The following DACH1 variants were observed in gnomAD, a reference collection of about 807,000 sequenced individuals.
DACH1 encodes the protein dachshund family transcription factor 1.
In DACH1, 12 loss-of-function variants were observed where a neutral mutation model predicts 54.2. That is an observed-to-expected ratio of 0.22 (90% CI 0.14 to 0.36). The LOEUF is 0.36. Among genes scored for constraint, DACH1 ranks in the 10% least tolerant of loss-of-function variants. The probability of loss-of-function intolerance (pLI) is 1.00; values close to 1 mark genes in which losing one functional copy is unlikely to be tolerated. For synonymous variants in DACH1, 386 were observed against 366.2 expected (o/e 1.05, Z -0.62); for missense variants, 805 against 929.8 (o/e 0.87, Z 1.75).
chr13:71,863,645 A>T (rs1237373764), intron 1 of DACH1, among the ~76,000 whole-genome samples: 1 of 152,144 alleles, frequency 6.6e-6, no homozygotes, highest in Non-Finnish European at 1.5e-5. Flanking sequence ...TTTAGTTAAA[A>T]GTTAAAGAAT....
At chr13:71,847,519 T>C (rs915621030) in intron 1 of DACH1, among the ~76,000 whole-genome samples, 4 of 152,210 alleles carry the variant, frequency 2.6e-5, no homozygotes, top group Non-Finnish European at 5.9e-5. Flanking sequence ...TTATAAAGTC[T>C]ATTTATGACT....
intron 1 of DACH1, among the ~76,000 whole-genome samples, chr13:71,701,814 T>C (rs991151518): frequency 6.6e-6 from 1 of 152,038 alleles, no homozygotes; most frequent in African/African-American, 2.4e-5. Flanking sequence ...GGTGTGAAGG[T>C]TTGTTCAATT....
chr13:71,865,325 C>G (rs1163856100), intron 1 of DACH1, among the ~76,000 whole-genome samples: 3 of 152,148 alleles, frequency 2.0e-5, no homozygotes, highest in Non-Finnish European at 4.4e-5. Context: ...CATTTCCCTC[C>G]CGACCTCAAA....
intron 1 of DACH1, among the ~76,000 whole-genome samples, chr13:71,710,771 A>ATGCTGCCAAATCGAGAGT (rs1882686832): frequency 6.6e-6 from 1 of 152,164 alleles, no homozygotes; most frequent in Admixed American, 6.5e-5. Context: ...CTTACATAAA[A>ATGCTGCCAAATCGAGAGT]TAGCAGAAGA....
In DACH1 at chr13:71,779,088, C is replaced by A. The variant is rs952115721; in HGVS notation, c.848+86834G>T. 2.0e-5 allele frequency among the ~76,000 whole-genome samples: 3 copies of A among 147,854 alleles called. No homozygotes were observed. In the East Asian group the frequency reaches 5.9e-4, roughly 29 times the overall value. ...TGAAAAGATGAGAATTTAACAAAAA[C>A]AAAGGGCTGAATATATATATATACA... is the stretch of plus-strand genomic sequence containing the variant. On this transcript the variant is annotated intron_variant, in intron 1 of 10. Coordinates refer to ENST00000613252, the MANE Select transcript of DACH1 (RefSeq NM_080759.6).
At position 71,460,349 on chromosome 13, in the gene DACH1, T is replaced by C. The variant is rs569749921; in HGVS notation, c.2083+14792A>G. 5.3e-5 allele frequency among the ~76,000 whole-genome samples: 8 copies of C among 151,918 alleles called. No individual in the cohort carries two copies. In the East Asian group the frequency reaches 1.2e-3, roughly 22 times the overall value. On this transcript the variant is annotated intron_variant, in intron 10 of 10. Transcript: ENST00000613252. ...TCACTGTGTAGATAAATGTTATCAG[T>C]GTTTTTGGAATTAGTCAGTTGAGAC...
At chr13:71,774,836 C>G (rs994698469) in intron 1 of DACH1, among the ~76,000 whole-genome samples, 1 of 152,098 alleles carries the variant, frequency 6.6e-6, no homozygotes, top group Non-Finnish European at 1.5e-5. Flanking sequence ...AGGTCACTGT[C>G]ATTTTCTATG....
chr13:71,700,014 G>A (rs908340829), intron 1 of DACH1, among the ~76,000 whole-genome samples: 3 of 151,904 alleles, frequency 2.0e-5, no homozygotes, highest in African/African-American at 7.3e-5. Context: ...ATTATTTTTT[G>A]TTGTTTTCTA....
chr13:71,596,994 A>G (rs1367546481), intron 3 of DACH1, among the ~76,000 whole-genome samples: 2 of 152,200 alleles, frequency 1.3e-5, no homozygotes, highest in Non-Finnish European at 2.9e-5. Context: ...TTTCCATTCC[A>G]AAAGATTTAA....
chr13:71,575,623 G>A (rs1885481091), intron 3 of DACH1, among the ~76,000 whole-genome samples: 4 of 151,948 alleles, frequency 2.6e-5, no homozygotes, highest in African/African-American at 9.7e-5. Flanking sequence ...GAAAACTACA[G>A]ATAAAACACT....
intron 1 of DACH1, among the ~76,000 whole-genome samples, chr13:71,774,475 C>T (rs751401622): frequency 3.3e-5 from 5 of 152,082 alleles, no homozygotes; most frequent in Admixed American, 6.6e-5. Flanking sequence ...GAAGTCCTGC[C>T]ATCCCACTAC....
chr13:71,750,141 C>T (rs906650935), intron 1 of DACH1, among the ~76,000 whole-genome samples: 2 of 152,164 alleles, frequency 1.3e-5, no homozygotes, highest in Non-Finnish European at 2.9e-5. Context: ...ATCCTCCTTT[C>T]CCCTGCTTCT....
intron 1 of DACH1, among the ~76,000 whole-genome samples, chr13:71,792,194 A>G (rs775713215): frequency 1.3e-5 from 2 of 152,214 alleles, no homozygotes; most frequent in African/African-American, 2.4e-5. Context: ...TTTTCCGCCC[A>G]GTAAATTTCT....
intron 2 of DACH1, among the ~76,000 whole-genome samples, chr13:71,641,914 A>G (rs943620061): frequency 6.6e-6 from 1 of 152,182 alleles, no homozygotes; most frequent in African/African-American, 2.4e-5. Flanking sequence ...ACCTAGGAAC[A>G]GAGCAATTAT....
rs141949354 is a variant in DACH1, at chr13:71,648,667, A to C, written c.965-17950T>G. Among the ~76,000 whole-genome samples the C allele has an allele frequency of 4.2e-3, 643 of 152,310 alleles. 4 individuals are homozygous for C. Among genetic ancestry groups the C allele is most frequent in the Non-Finnish European group, 7.2e-3 (490 of 68,012 alleles). On this transcript the variant is annotated intron_variant, in intron 2 of 10. Coordinates refer to ENST00000613252, the MANE Select transcript of DACH1 (RefSeq NM_080759.6). ...CGTTAGATAGATGGCTTCTGTTTGT[A>C]AGATCTCAACTGTTTTTACCACAGT... is the stretch of plus-strand genomic sequence containing the variant.
At chr13:71,722,817 G>A (rs1883289955) in intron 1 of DACH1, among the ~76,000 whole-genome samples, 1 of 152,158 alleles carries the variant, frequency 6.6e-6, no homozygotes. Flanking sequence ...TTGCTGTGGG[G>A]CTTCAATATA....
intron 6 of DACH1, among the ~76,000 whole-genome samples, chr13:71,507,419 A>G (rs1414226313): frequency 6.6e-6 from 1 of 152,328 alleles, no homozygotes; most frequent in East Asian, 1.9e-4. Flanking sequence ...TTCCTTCACT[A>G]ACAAAACTAT....
At chr13:71,528,151 T>C (rs181698342) in intron 6 of DACH1, among the ~76,000 whole-genome samples, 30 of 152,216 alleles carry the variant, frequency 2.0e-4, no homozygotes, top group Admixed American at 1.2e-3. Flanking sequence ...GAAAGAAATA[T>C]GTTGTTGTGT....
Position 71,466,862 on chromosome 13 carries a change from A to AAG in DACH1, c.2083+8278_2083+8279insCT, listed in dbSNP as rs386379700. ...CCCTGTCTCAAAAAAAAAAAAAAAAAAAGACAACAGATATATTACAAACTA... is the reference window on the plus strand; with the variant it reads ...CCCTGTCTCAAAAAAAAAAAAAAAAAAGAAGACAACAGATATATTACAAACTA... On this transcript the variant is annotated intron_variant, in intron 10 of 10. Coordinates refer to ENST00000613252, the MANE Select transcript of DACH1 (RefSeq NM_080759.6). Among the ~76,000 whole-genome samples the AAG allele has an allele frequency of 4.0e-5, 6 of 151,004 alleles. No individual in the cohort carries two copies. In the East Asian group the frequency reaches 1.2e-3, roughly 29 times the overall value.
Sources: allele counts gnomAD v4.1 joint callset (sites outside exome capture counted in the v4.1 genomes callset), GRCh38; gene constraint gnomAD v4.1.1; transcripts MANE v1.5; gene names NCBI Gene and HGNC (gene_info 2026-07-23, HGNC 2026-07-21).